The following CNTNAP5 variants were observed in gnomAD, a reference collection of about 807,000 sequenced individuals.
CNTNAP5 encodes the protein contactin associated protein family member 5.
CNTNAP5 carries 72 observed loss-of-function variants against 150.2 expected under a neutral mutation model. That is an observed-to-expected ratio of 0.48 (90% CI 0.40 to 0.58). The LOEUF is 0.58. Ranked by LOEUF, CNTNAP5 falls within the 20% of genes least tolerant of loss-of-function variation. CNTNAP5 has a pLI of 0.00. For synonymous variants in CNTNAP5, 672 were observed against 619.8 expected (o/e 1.08, Z -1.25); for missense variants, 1,636 against 1,626.2 (o/e 1.01, Z -0.10).
chr2:124,536,782 G>A (rs1388559407), intron 10 of CNTNAP5, among the ~76,000 whole-genome samples: 3 of 152,058 alleles, frequency 2.0e-5, no homozygotes, highest in Non-Finnish European at 4.4e-5. Context: ...GGTCAAGGAG[G>A]GGTGCTCCAA....
intron 7 of CNTNAP5, among the ~76,000 whole-genome samples, chr2:124,488,237 TG>T (rs1178786784): frequency 6.6e-6 from 1 of 152,230 alleles, no homozygotes; most frequent in Non-Finnish European, 1.5e-5. Context: ...GGTGTAATTT[TG>T]TGTAATTCCT....
chr2:124,724,449 C>A (rs922629405), intron 13 of CNTNAP5, among the ~76,000 whole-genome samples: 1 of 152,004 alleles, frequency 6.6e-6, no homozygotes, highest in Admixed American at 6.6e-5. Context: ...GGTGGCAAGG[C>A]GCACAAGTCA....
chr2:124,246,022 A>G (rs189192180), intron 3 of CNTNAP5, among the ~76,000 whole-genome samples: 1 of 152,008 alleles, frequency 6.6e-6, no homozygotes, highest in Non-Finnish European at 1.5e-5. Flanking sequence ...GGCTTGAGCC[A>G]CCGCACCTGG....
At chr2:124,417,790 T>C (rs888185432) in intron 4 of CNTNAP5, among the ~76,000 whole-genome samples, 200 bp downstream of exon 4, 6 of 152,332 alleles carry the variant, frequency 3.9e-5, no homozygotes, top group Middle Eastern at 3.4e-3. Flanking sequence ...GTAGTTGTGA[T>C]GGTGTGATAA....
intron 6 of CNTNAP5, 92 bp downstream of exon 6, chr2:124,447,029 TGGGG>T (rs1274869058): frequency 5.7e-4 from 725 of 1,278,892 alleles, no homozygotes; most frequent in Non-Finnish European, 6.5e-4. Flanking sequence ...AGAGAAGTGG[TGGGG>T]CACTGAGGAG....
At position 124,764,031 on chromosome 2, in the gene CNTNAP5, C is replaced by T; in HGVS notation, c.2417C>T (p.Pro806Leu). 6.2e-7 allele frequency: 1 copy of T among 1,613,330 alleles called. No individual in the cohort carries two copies. The highest frequency in any genetic ancestry group is 2.2e-5 in the East Asian group (1 of 44,850). Residue 806 changes from proline to leucine, a missense_variant, in exon 16 of 24, where the codon CCT becomes CTT. Transcript: ENST00000682447. Reference sequence around the variant, plus strand: ...ACAGAAGCCTCTTACCTCCACTTTCCTACCTTCCATGCGGAATTCAGTGCC... The same window carrying T: ...ACAGAAGCCTCTTACCTCCACTTTCTTACCTTCCATGCGGAATTCAGTGCC... ...FYTEASYLHFPTFHAEFSADI... is the reference protein window; with the variant it reads ...FYTEASYLHFLTFHAEFSADI...
intron 1 of CNTNAP5, among the ~76,000 whole-genome samples, chr2:124,104,574 A>ACTGTCAAATCCAATGAACATTTTTTAGT (rs1683134170): frequency 3.3e-5 from 5 of 152,124 alleles, no homozygotes. Flanking sequence ...TGATTTCCCG[A>ACTGTCAAATCCAATGAACATTTTTTAGT]CTGTCAAATC....
At chr2:124,613,936 C>T (rs1677441886) in intron 12 of CNTNAP5, among the ~76,000 whole-genome samples, 1 of 152,176 alleles carries the variant, frequency 6.6e-6, no homozygotes, top group Non-Finnish European at 1.5e-5. Flanking sequence ...TAAGTTGCTT[C>T]ACCACAGGGC....
chr2:124,616,009 G>T (rs774097647), intron 12 of CNTNAP5, among the ~76,000 whole-genome samples: 2 of 152,110 alleles, frequency 1.3e-5, no homozygotes, highest in African/African-American at 4.8e-5. Context: ...AGTAAACCAT[G>T]CTGTCAACAA....
chr2:124,100,532 A>G (rs1489537864), intron 1 of CNTNAP5, among the ~76,000 whole-genome samples: 2 of 152,128 alleles, frequency 1.3e-5, no homozygotes, highest in South Asian at 2.1e-4. Flanking sequence ...TTTTTTTTCT[A>G]GGTCTGTATT....
At chr2:124,736,520 G>C (rs1056927938) in intron 13 of CNTNAP5, among the ~76,000 whole-genome samples, 2 of 151,974 alleles carry the variant, frequency 1.3e-5, no homozygotes, top group African/African-American at 4.8e-5. Flanking sequence ...GTTTTATATC[G>C]GTTTGTTTAA....
rs578190437 is a variant in CNTNAP5 at position 124,095,461 on chromosome 2, T to C, written c.82+69729T>C. 2.4e-3 allele frequency among the ~76,000 whole-genome samples: 372 copies of C among 152,152 alleles called. 3 individuals are homozygous for C. The highest frequency in any genetic ancestry group is 3.9e-3 in the Non-Finnish European group (263 of 68,004). ...AACCACCATGGCAGATGTATACCTATGTAACAAAGCTGCACATTCTGCACA... is the reference window on the plus strand; with the variant it reads ...AACCACCATGGCAGATGTATACCTACGTAACAAAGCTGCACATTCTGCACA... On this transcript the variant is annotated intron_variant, in intron 1 of 23. Transcript: ENST00000682447.
chr2:124,394,267 G>A lies in CNTNAP5; in HGVS notation c.382-23176G>A, dbSNP rs991953843. Among the ~76,000 whole-genome samples, 5 of 151,470 alleles carry A rather than the reference G, an allele frequency of 3.3e-5. No homozygotes were observed. The South Asian group carries it at 6.2e-4, about 19-fold the overall frequency. On this transcript the variant is annotated intron_variant, in intron 3 of 23. Coordinates refer to ENST00000682447, the MANE Select transcript of CNTNAP5 (RefSeq NM_001367498.1). ...CACAACTGTAATCCCAGCTACTCAG[G>A]AGGCTGAGGCATGAGAATCGCTTGA...
intron 13 of CNTNAP5, among the ~76,000 whole-genome samples, chr2:124,655,937 GAGAGAGAGAGAAAGAAAGAAAGAA>G (rs1329356394): frequency 2.9e-4 from 15 of 52,398 alleles, no homozygotes; most frequent in African/African-American, 6.3e-4. Flanking sequence ...GAGAGAGAGA[GAGAGAGAGAGAAAGAAAGAAAGAA>G]AGAAAGAAAG....
intron 1 of CNTNAP5, among the ~76,000 whole-genome samples, chr2:124,091,453 G>T (rs943743545): frequency 5.3e-5 from 8 of 152,192 alleles, no homozygotes; most frequent in African/African-American, 1.9e-4. Flanking sequence ...ACATGGCAAA[G>T]AAGCTTGCAG....
At chr2:124,079,440 C>A (rs894233545) in intron 1 of CNTNAP5, among the ~76,000 whole-genome samples, 3 of 152,156 alleles carry the variant, frequency 2.0e-5, no homozygotes, top group Non-Finnish European at 4.4e-5. Flanking sequence ...CCCATTCAAC[C>A]TCTAAATCCC....
intron 3 of CNTNAP5, among the ~76,000 whole-genome samples, chr2:124,244,070 G>A (rs1286348448): frequency 1.3e-5 from 2 of 152,114 alleles, no homozygotes; most frequent in Non-Finnish European, 2.9e-5. Flanking sequence ...GTAGCTTTGA[G>A]TTATTGTGCC....
At chr2:124,839,082 G>C (rs1558795721) in intron 19 of CNTNAP5, among the ~76,000 whole-genome samples, 1 of 152,026 alleles carries the variant, frequency 6.6e-6, no homozygotes, top group Admixed American at 6.6e-5. Flanking sequence ...GGACAATGGG[G>C]ATCAAAGAAG....
In CNTNAP5 at chr2:124,683,759, T is replaced by C. The variant is rs138912323; in HGVS notation, c.2077+35801T>C. Among the ~76,000 whole-genome samples the C allele has an allele frequency of 4.1e-4, 63 of 152,326 alleles. 1 individual carries two copies. The East Asian group carries it at 0.01, about 25-fold the overall frequency. On this transcript the variant is annotated intron_variant, in intron 13 of 23. Coordinates refer to ENST00000682447, the MANE Select transcript of CNTNAP5 (RefSeq NM_001367498.1). Reference sequence around the variant, plus strand: ...ACTGAATTCTGGACACGCTAAGTTATATATGTGCTGCACTTCACTTTTCTA... The same window carrying C: ...ACTGAATTCTGGACACGCTAAGTTACATATGTGCTGCACTTCACTTTTCTA...
Sources: gnomAD v4.1 joint callset for allele counts (sites outside exome capture counted in the v4.1 genomes callset) on GRCh38, gnomAD v4.1.1 for gene constraint, MANE v1.5 for transcripts, NCBI Gene and HGNC (gene_info 2026-07-23, HGNC 2026-07-21) for gene names.